The following FAM98B variants were observed in gnomAD, a reference collection of about 807,000 sequenced individuals.
The protein encoded by FAM98B is tRNA-splicing ligase complex subunit FAM98B.
FAM98B carries 32 observed loss-of-function variants against 43.9 expected under a neutral mutation model. That is an observed-to-expected ratio of 0.73 (90% CI 0.55 to 0.98). The LOEUF is 0.98. Ranked by LOEUF, FAM98B falls within the 50% of genes least tolerant of loss-of-function variation. The pLI is 0.00. For synonymous variants in FAM98B, 190 were observed against 174.0 expected (o/e 1.09, Z -0.72); for missense variants, 514 against 522.9 (o/e 0.98, Z 0.17).
At chr15:38,478,238 T>G (rs1261501580) in intron 6 of FAM98B, among the ~76,000 whole-genome samples, 1 of 152,176 alleles carries the variant, frequency 6.6e-6, no homozygotes, top group Admixed American at 6.5e-5. Flanking sequence ...CTTTAGGAAA[T>G]ATCTTGATAT....
chr15:38,461,191 T>G (rs1283191073), intron 1 of FAM98B, among the ~76,000 whole-genome samples: 1 of 152,230 alleles, frequency 6.6e-6, no homozygotes, highest in African/African-American at 2.4e-5. Context: ...TTTATGAGTA[T>G]TGCTTTATTG....
chr15:38,464,170 G>A lies in FAM98B; in HGVS notation c.210G>A (p.Thr70=), dbSNP rs146978505. The change falls in exon 2 of 8, where the codon ACG becomes ACA. Residue 70 remains threonine (T), a synonymous_variant. Coordinates refer to ENST00000397609, the MANE Select transcript of FAM98B (RefSeq NM_173611.4). ...TATGCAACTTGGAAGAAAGTATCAC[G>A]TCTGCTGGTATTGCCATTATGTTGT... is the stretch of plus-strand genomic sequence containing the variant. ...KSLCNLEESI[T]SAGRDDLESF... is the part of the protein sequence containing the mutation. 74 of 1,611,874 alleles carry A rather than the reference G, an allele frequency of 4.6e-5. No individual in the cohort carries two copies. The highest frequency in any genetic ancestry group is 6.6e-5 in the South Asian group (6 of 90,646).
chr15:38,457,560 T>C (rs74902046), intron 1 of FAM98B, among the ~76,000 whole-genome samples: 25,674 of 151,946 alleles, frequency 0.17, 2,395 homozygotes, highest in East Asian at 0.42. Flanking sequence ...ATAAGTGATT[T>C]TGGAGGTGCA....
chr15:38,480,009 T>C (rs988581385), intron 6 of FAM98B, among the ~76,000 whole-genome samples: 7 of 152,162 alleles, frequency 4.6e-5, no homozygotes, highest in African/African-American at 1.7e-4. Context: ...TATTTATGTC[T>C]TGTCATTTTT....
intron 6 of FAM98B, among the ~76,000 whole-genome samples, chr15:38,475,163 C>T (rs1223286640): frequency 2.6e-5 from 4 of 152,028 alleles, no homozygotes; most frequent in African/African-American, 9.7e-5. Context: ...TTTTTGGCAC[C>T]AGGGACTGGT....
rs977590337 is a variant in FAM98B at position 38,455,673 on chromosome 15, A to C, written c.71+1441A>C. On this transcript the variant is annotated intron_variant, in intron 1 of 7. Transcript: ENST00000397609. ...TACTTAGTAGAATTATTTAGGCTCCAAACAGTTTGAGCTCCCAAGTACTTC... is the reference window on the plus strand; with the variant it reads ...TACTTAGTAGAATTATTTAGGCTCCCAACAGTTTGAGCTCCCAAGTACTTC... 5.3e-5 allele frequency among the ~76,000 whole-genome samples: 8 copies of C among 152,246 alleles called. 1 individual carries two copies. The highest frequency in any genetic ancestry group is 1.3e-4 in the Admixed American group (2 of 15,288).
intron 6 of FAM98B, among the ~76,000 whole-genome samples, chr15:38,475,162 C>T (rs1284441751): frequency 6.6e-6 from 1 of 152,064 alleles, no homozygotes; most frequent in African/African-American, 2.4e-5. Flanking sequence ...CTTTTTGGCA[C>T]CAGGGACTGG....
chr15:38,463,532 A>AAAATG (rs1889981920), intron 1 of FAM98B, among the ~76,000 whole-genome samples: 2 of 151,790 alleles, frequency 1.3e-5, no homozygotes, highest in African/African-American at 4.8e-5. Flanking sequence ...AAAATAAAAT[A>AAAATG]AAATAGTAAA....
chr15:38,465,548 G>A, intron 3 of FAM98B, 145 bp downstream of exon 3: 1 of 750,466 alleles, frequency 1.3e-6, no homozygotes, highest in Non-Finnish European at 2.0e-6. Flanking sequence ...TCTCAGAAAT[G>A]TTTATATAAT....
At chr15:38,475,842 G>T (rs72727352) in intron 6 of FAM98B, among the ~76,000 whole-genome samples, 28,354 of 152,056 alleles carry the variant, frequency 0.19, 3,075 homozygotes, top group Non-Finnish European at 0.25. Flanking sequence ...TTCTTGCATT[G>T]TATTTCTGCA....
intron 1 of FAM98B, among the ~76,000 whole-genome samples, chr15:38,456,520 T>C (rs746306229): frequency 6.6e-6 from 1 of 152,182 alleles, no homozygotes; most frequent in Admixed American, 6.5e-5. Flanking sequence ...GTGAGCAAAA[T>C]AGACTTGGTT....
At chr15:38,482,331 C>G (rs1890298140) in intron 7 of FAM98B, 1 of 152,164 alleles carries the variant, frequency 6.6e-6, no homozygotes, top group Non-Finnish European at 1.5e-5. Flanking sequence ...TAACATCTTG[C>G]ATTGGGTGAT....
chr15:38,455,555 A>G (rs1389221746), intron 1 of FAM98B, among the ~76,000 whole-genome samples: 2 of 152,204 alleles, frequency 1.3e-5, no homozygotes, highest in African/African-American at 4.8e-5. Context: ...GAACAGTGCC[A>G]TTGATTATTT....
rs575727931 is a variant in FAM98B at position 38,467,335 on chromosome 15, T to C, written c.352+1932T>C. ...AATCCTGTACTATGTAAAGAGCTTT[T>C]ATAAATCAACAGGAAAAAGATAAAA... On this transcript the variant is annotated intron_variant, in intron 3 of 7. Coordinates refer to ENST00000397609, the MANE Select transcript of FAM98B (RefSeq NM_173611.4). Among the ~76,000 whole-genome samples, 22 of 152,344 alleles carry C rather than the reference T, an allele frequency of 1.4e-4. No homozygotes were observed. In the South Asian group the frequency reaches 4.6e-3, roughly 32 times the overall value.
intron 6 of FAM98B, among the ~76,000 whole-genome samples, chr15:38,474,807 A>G (rs1170223198): frequency 6.6e-6 from 1 of 152,008 alleles, no homozygotes; most frequent in African/African-American, 2.4e-5. Context: ...ATCTGTACCC[A>G]TGCTTAGTCT....
chr15:38,456,773 TGA>T (rs1349939750), intron 1 of FAM98B, among the ~76,000 whole-genome samples: 1 of 152,042 alleles, frequency 6.6e-6, no homozygotes, highest in African/African-American at 2.4e-5. Flanking sequence ...ATCCTTACAG[TGA>T]GAAGAAAATG....
chr15:38,454,146 T>C lies in FAM98B; in HGVS notation c.-16T>C, dbSNP rs1407534949. 1.3e-6 allele frequency: 2 copies of C among 1,588,786 alleles called. No homozygotes were observed. The highest frequency in any genetic ancestry group is 1.7e-6 in the Non-Finnish European group (2 of 1,169,046). ...CGGGCTACTTAGAGCGCCGAACAGC[T>C]CTGGGCCAAAGGACCATGAGAGGGC... On this transcript the variant is annotated 5_prime_UTR_variant, in exon 1 of 8. Transcript: ENST00000397609.
chr15:38,473,636 G>T, intron 5 of FAM98B, 51 bp downstream of exon 5: 4 of 1,397,656 alleles, frequency 2.9e-6, no homozygotes, highest in South Asian at 2.6e-5. Context: ...TAGTGAATAT[G>T]ACTTAATTTT....
chr15:38,483,484 T>C (rs181975009), intron 7 of FAM98B: 1,731 of 151,694 alleles, frequency 0.011, 20 homozygotes, highest in Non-Finnish European at 0.019. Flanking sequence ...GGCTAACACG[T>C]TGAAACCCTG....
Sources: gnomAD v4.1 joint callset for allele counts (sites outside exome capture counted in the v4.1 genomes callset) on GRCh38, gnomAD v4.1.1 for gene constraint, MANE v1.5 for transcripts, NCBI Gene and HGNC (gene_info 2026-07-23, HGNC 2026-07-21) for gene names.